Variants in EPHX1 observed in about 807,000 individuals in gnomAD.
EPHX1 encodes epoxide hydratase.
In EPHX1, 40 loss-of-function variants were observed where a neutral mutation model predicts 43.2. The observed-to-expected ratio is 0.93, with a 90% CI of 0.72 to 1.21. EPHX1 has a LOEUF of 1.21. Among genes scored for constraint, EPHX1 ranks in the 50% most tolerant of loss-of-function variants. EPHX1 has a pLI of 0.00. For missense variants in EPHX1, 550 were observed against 570.4 expected, an observed-to-expected ratio of 0.96 and a Z score of 0.36; for synonymous variants, 221 against 226.7, an observed-to-expected ratio of 0.98 and a Z score of 0.22.
intron 1 of EPHX1, among the ~76,000 whole-genome samples, chr1:225,819,448 CA>C (rs1159037714): frequency 6.6e-6 from 1 of 151,804 alleles, no homozygotes; most frequent in African/African-American, 2.4e-5. Context: ...TCAGAGTGGC[CA>C]TTGTGTTGGA....
At chr1:225,816,632 C>G (rs1666735384) in intron 1 of EPHX1, among the ~76,000 whole-genome samples, 1 of 152,170 alleles carries the variant, frequency 6.6e-6, no homozygotes, top group Admixed American at 6.5e-5. Flanking sequence ...GTAGCCGTCC[C>G]CTCTCCGAAG....
chr1:225,839,174 G>A (rs368083787), intron 4 of EPHX1, 43 bp from the exon 5 acceptor site: 68 of 1,613,458 alleles, frequency 4.2e-5, no homozygotes, highest in Admixed American at 2.8e-4. Flanking sequence ...GGAGCAATCT[G>A]CCTGTGACTC....
rs115790260 is a variant in EPHX1, at chr1:225,815,930, G to A, written c.-6+5761G>A. Among the ~76,000 whole-genome samples, 1,089 of 152,280 alleles carry A rather than the reference G, an allele frequency of 7.2e-3. 19 individuals are homozygous for A. The highest frequency in any genetic ancestry group is 0.025 in the African/African-American group (1,036 of 41,552). On this transcript the variant is annotated intron_variant, in intron 1 of 8. Coordinates refer to ENST00000272167, the MANE Select transcript of EPHX1 (RefSeq NM_001136018.4). ...GTGGTTAATGGTGGGAAGGAACTCC[G>A]GTAAGTGTGTTATATGATCTGCTCC...
At position 225,817,931 on chromosome 1, in the gene EPHX1, A is replaced by AG. The variant is rs1422681674; in HGVS notation, c.-6+7766dup. Among the ~76,000 whole-genome samples, 1 of 152,040 alleles carries AG rather than the reference A, an allele frequency of 6.6e-6. No individual in the cohort carries two copies. Among genetic ancestry groups the AG allele is most frequent in the Non-Finnish European group, 1.5e-5 (1 of 68,012 alleles). On this transcript the variant is annotated intron_variant, in intron 1 of 8. Coordinates refer to ENST00000272167, the MANE Select transcript of EPHX1 (RefSeq NM_001136018.4). The surrounding 1 kb of genome is among the most constrained non-coding windows in gnomAD (Gnocchi z 5.7). ...TCTGACTGCTTGCTTGGGTTGGGGG[A>AG]GGGGAGTCTTTGGGCAGGCGGTAGA...
intron 1 of EPHX1, among the ~76,000 whole-genome samples, chr1:225,826,719 CTA>C (rs1364738240): frequency 1.3e-5 from 2 of 152,230 alleles, no homozygotes; most frequent in African/African-American, 4.8e-5. Flanking sequence ...ATGCTGGTGA[CTA>C]TGAGAGAAGA....
intron 3 of EPHX1, 44 bp from the exon 4 acceptor site, chr1:225,838,610 G>T: frequency 6.4e-7 from 1 of 1,566,492 alleles, no homozygotes; most frequent in Non-Finnish European, 8.8e-7. Flanking sequence ...GACCGTGCAG[G>T]GTCTTCTCTC....
At chr1:225,835,454 A>G (rs1286530697) in intron 3 of EPHX1, among the ~76,000 whole-genome samples, 5 of 147,570 alleles carry the variant, frequency 3.4e-5, no homozygotes, top group South Asian at 2.1e-4. Flanking sequence ...CAGTGACGCA[A>G]TCTCGACTCA....
rs560930337 is a variant in EPHX1 at position 225,817,656 on chromosome 1, G to T, written c.-6+7487G>T. 6.6e-6 allele frequency among the ~76,000 whole-genome samples: 1 copy of T among 152,330 alleles called. No individual in the cohort carries two copies. The highest frequency in any genetic ancestry group is 2.1e-4 in the South Asian group (1 of 4,830). On this transcript the variant is annotated intron_variant, in intron 1 of 8. Transcript: ENST00000272167. This position sits in a 1 kb window ranked among gnomAD's most constrained non-coding sequence, Gnocchi z 5.7. ...CCACACTTTCCTCCCCAAAGTGGCA[G>T]ACTTCCCCCAGGAGAAGCACTGGCT...
At chr1:225,829,666 C>G (rs78991129) in intron 2 of EPHX1, among the ~76,000 whole-genome samples, 3,667 of 152,222 alleles carry the variant, frequency 0.024, 69 homozygotes, top group Middle Eastern at 0.034. Context: ...TTTTGAGCAC[C>G]TACTGTGTGC....
Position 225,838,991 on chromosome 1 carries a change from A to C in EPHX1, c.592+110A>C, listed in dbSNP as rs1004492449. The C allele has an allele frequency of 2.7e-5, 38 of 1,411,976 alleles. No individual in the cohort carries two copies. In the East Asian group the frequency reaches 5.0e-4, roughly 18 times the overall value. 87.5% of individuals were successfully genotyped at this position (1,411,976 alleles called of 1,614,324 possible). Reference sequence around the variant, plus strand: ...GGTGAGCAGGGAGTTGGCCCGAGGAAGCTGGGAAAGGAGGGGCCTGAGAGG... The same window carrying C: ...GGTGAGCAGGGAGTTGGCCCGAGGACGCTGGGAAAGGAGGGGCCTGAGAGG... On this transcript the variant is annotated intron_variant, in intron 4 of 8. Coordinates refer to ENST00000272167, the MANE Select transcript of EPHX1 (RefSeq NM_001136018.4).
At chr1:225,833,865 A>C (rs992461481) in intron 3 of EPHX1, among the ~76,000 whole-genome samples, 2 of 151,538 alleles carry the variant, frequency 1.3e-5, no homozygotes, top group African/African-American at 4.8e-5. Context: ...TGGGAGGTCA[A>C]GGCGGGCAGA....
At chr1:225,813,967 T>G (rs1252996091) in intron 1 of EPHX1, among the ~76,000 whole-genome samples, 4 of 152,242 alleles carry the variant, frequency 2.6e-5, no homozygotes, top group Non-Finnish European at 1.5e-5. Context: ...GGCCTTGTTC[T>G]TAGGTCGGGA....
At position 225,845,548 on chromosome 1, in the gene EPHX1, C is replaced by T. The variant is rs995328992; in HGVS notation, c.*201C>T. 16 of 620,114 alleles carry T rather than the reference C, an allele frequency of 2.6e-5. No homozygotes were observed. The highest frequency in any genetic ancestry group is 8.2e-5 in the East Asian group (3 of 36,498). 38.4% of individuals were successfully genotyped at this position (620,114 alleles called of 1,614,324 possible). A position where few individuals can be genotyped will look rare whatever the true frequency, so the allele number is the denominator to read the frequency against. ...TAAGCAACATGGCTTTGATGATAAA[C>T]GACTTTACTCTAAAAGCGGCTGGAA... On this transcript the variant is annotated 3_prime_UTR_variant, in exon 9 of 9. Coordinates refer to ENST00000272167, the MANE Select transcript of EPHX1 (RefSeq NM_001136018.4).
Position 225,839,457 on chromosome 1 carries a change from G to A in EPHX1, c.722+111G>A. 5.8e-6 allele frequency: 9 copies of A among 1,542,896 alleles called. No homozygotes were observed. The South Asian group carries it at 7.2e-5, about 12-fold the overall frequency. ...GGGCCAAGGACCCCCCAGGGGAGAG[G>A]AGGGAGTGTGACCTGTCACTCAGCA... is the stretch of plus-strand genomic sequence containing the variant. On this transcript the variant is annotated intron_variant, in intron 5 of 8. Transcript: ENST00000272167.
intron 8 of EPHX1, 146 bp from the exon 9 acceptor site, chr1:225,845,000 T>G (rs1331210746): frequency 6.6e-6 from 6 of 909,172 alleles, no homozygotes; most frequent in Non-Finnish European, 8.7e-6. Flanking sequence ...GGGAGAGCGG[T>G]TGAGACCCTG....
intron 1 of EPHX1, among the ~76,000 whole-genome samples, chr1:225,820,380 G>A (rs1446384578): frequency 3.3e-5 from 5 of 152,032 alleles, no homozygotes; most frequent in African/African-American, 9.7e-5. Context: ...GAGCCACCAC[G>A]CCTGTCCCCA....
At chr1:225,824,836 C>T (rs1027297063) in intron 1 of EPHX1, among the ~76,000 whole-genome samples, 9 of 152,192 alleles carry the variant, frequency 5.9e-5, no homozygotes, top group Non-Finnish European at 1.3e-4. Context: ...CACCCCCACA[C>T]AGTCAACACC....
At chr1:225,825,866 CACGCTCCCAT>C (rs199692667) in intron 1 of EPHX1, among the ~76,000 whole-genome samples, 2,613 of 152,344 alleles carry the variant, frequency 0.017, 87 homozygotes, top group African/African-American at 0.056. Flanking sequence ...CTGCCTCCCA[CACGCTCCCAT>C]GTGTCTCCCA....
At chr1:225,822,324 G>A (rs184769052) in intron 1 of EPHX1, among the ~76,000 whole-genome samples, 3 of 152,192 alleles carry the variant, frequency 2.0e-5, no homozygotes, top group Admixed American at 2.0e-4. Context: ...CCTTGGCTTC[G>A]AGAAAAAAAT....
Sources: allele counts gnomAD v4.1 joint callset (sites outside exome capture counted in the v4.1 genomes callset), GRCh38; gene constraint gnomAD v4.1.1; non-coding constraint Gnocchi (gnomAD v3.1); transcripts MANE v1.5; gene names NCBI Gene and HGNC (gene_info 2026-07-23, HGNC 2026-07-21).